Variants in PLCL2 observed in about 807,000 individuals in gnomAD.
PLCL2 encodes phospholipase C like 2, also known as inactive phospholipase C-like protein 2.
In PLCL2, 4 loss-of-function variants were observed where a neutral mutation model predicts 79.6. That is an observed-to-expected ratio of 0.05 (90% CI 0.02 to 0.11). The LOEUF (loss-of-function observed/expected upper bound fraction) is 0.11. PLCL2 is among the 10% of genes least tolerant of loss of function. The pLI is 1.00. For missense variants in PLCL2, 895 were observed against 1,291.0 expected, an observed-to-expected ratio of 0.69 and a Z score of 4.70; for synonymous variants, 484 against 457.7, an observed-to-expected ratio of 1.06 and a Z score of -0.73.
chr3:16,937,976 C>T (rs1697581765), intron 1 of PLCL2, among the ~76,000 whole-genome samples: 1 of 152,110 alleles, frequency 6.6e-6, no homozygotes, highest in South Asian at 2.1e-4. Flanking sequence ...TGAAAGGTGG[C>T]AATTCACGTG....
intron 1 of PLCL2, among the ~76,000 whole-genome samples, chr3:16,948,105 AAGC>A (rs2063617931): frequency 6.6e-6 from 1 of 152,216 alleles, no homozygotes; most frequent in East Asian, 1.9e-4. Context: ...TCAAAAGTAA[AAGC>A]AGCCCAAATA....
chr3:17,088,970 A>G (rs1050965405), intron 5 of PLCL2, among the ~76,000 whole-genome samples: 3 of 152,262 alleles, frequency 2.0e-5, no homozygotes, highest in African/African-American at 4.8e-5. Context: ...TATCCAAAGT[A>G]GAAAATCCTT....
At chr3:17,058,574 T>TA (rs1312242620) in intron 4 of PLCL2, among the ~76,000 whole-genome samples, 2 of 152,140 alleles carry the variant, frequency 1.3e-5, no homozygotes, top group Non-Finnish European at 2.9e-5. Context: ...TTAAGTTTGA[T>TA]ACGCCTAGTT....
intron 1 of PLCL2, among the ~76,000 whole-genome samples, chr3:16,999,185 G>A (rs889193287): frequency 1.6e-4 from 25 of 152,238 alleles, no homozygotes; most frequent in African/African-American, 6.0e-4. Context: ...CTATGGGTGT[G>A]GGGATGCAGC....
At chr3:17,040,688 G>A (rs1412438861) in intron 3 of PLCL2, among the ~76,000 whole-genome samples, 1 of 152,124 alleles carries the variant, frequency 6.6e-6, no homozygotes, top group Admixed American at 6.6e-5. Flanking sequence ...TTTATGGGTA[G>A]GAAATTAGGG....
At chr3:17,070,773 A>C (rs866107556) in intron 5 of PLCL2, among the ~76,000 whole-genome samples, 8 of 152,158 alleles carry the variant, frequency 5.3e-5, no homozygotes, top group Non-Finnish European at 8.8e-5. Context: ...GAGCTAGGAG[A>C]GGTGGCAGCG....
At chr3:16,975,442 G>A (rs1369601365) in intron 1 of PLCL2, among the ~76,000 whole-genome samples, 8 of 152,092 alleles carry the variant, frequency 5.3e-5, no homozygotes, top group Admixed American at 2.0e-4. Context: ...CTTATTAGGC[G>A]CCTTTATTAT....
intron 1 of PLCL2, among the ~76,000 whole-genome samples, chr3:16,955,421 GTTACTGT>G (rs999969307): frequency 6.4e-4 from 98 of 152,260 alleles, no homozygotes; most frequent in African/African-American, 2.2e-3. Flanking sequence ...TGCTGTTTTG[GTTACTGT>G]AGCCTTATAG....
chr3:17,050,418 G>A (rs987922206), intron 4 of PLCL2, among the ~76,000 whole-genome samples: 4 of 151,954 alleles, frequency 2.6e-5, no homozygotes, highest in Non-Finnish European at 4.4e-5. Context: ...AATAACCCGA[G>A]TATATAAGGA....
chr3:16,996,798 G>T lies in PLCL2; in HGVS notation c.328-12876G>T, dbSNP rs374514443. Among the ~76,000 whole-genome samples, 7 of 152,262 alleles carry T rather than the reference G, an allele frequency of 4.6e-5. 1 individual carries two copies. The stretch of plus-strand genomic sequence containing the variant: ...GAAATACTCATTTGAACATTGACTG[G>T]TATTGCTATAGAATTGTAATTATTT... On this transcript the variant is annotated intron_variant, in intron 1 of 5. Coordinates refer to ENST00000615277, the MANE Select transcript of PLCL2 (RefSeq NM_001144382.2).
chr3:16,906,858 A>G (rs564172532), intron 1 of PLCL2, among the ~76,000 whole-genome samples: 107 of 152,308 alleles, frequency 7.0e-4, no homozygotes, highest in Non-Finnish European at 1.4e-3. Context: ...CTAAAAATAG[A>G]AACTGTTTGT....
intron 2 of PLCL2, among the ~76,000 whole-genome samples, chr3:17,013,019 C>A (rs1404051315): frequency 1.3e-5 from 2 of 152,328 alleles, no homozygotes; most frequent in East Asian, 3.9e-4. Flanking sequence ...TTTTCCCTAT[C>A]AACTAATTCT....
chr3:16,907,585 C>CT (rs1451037387), intron 1 of PLCL2, among the ~76,000 whole-genome samples: 2 of 152,188 alleles, frequency 1.3e-5, no homozygotes, highest in Admixed American at 6.5e-5. Flanking sequence ...GGGGCTTAGG[C>CT]TTTGGAGTAA....
At chr3:16,895,453 C>A (rs1575515013) in intron 1 of PLCL2, among the ~76,000 whole-genome samples, 2 of 152,144 alleles carry the variant, frequency 1.3e-5, no homozygotes, top group East Asian at 3.9e-4. Flanking sequence ...AATTCAGCAC[C>A]ATTTATTTGA....
At chr3:16,896,921 G>T in intron 1 of PLCL2, among the ~76,000 whole-genome samples, 1 of 152,178 alleles carries the variant, frequency 6.6e-6, no homozygotes, top group Middle Eastern at 3.2e-3. Context: ...ACCTCTGGGG[G>T]TTTCCTAAAG....
intron 1 of PLCL2, among the ~76,000 whole-genome samples, chr3:16,971,549 T>G (rs552859902): frequency 6.6e-6 from 1 of 152,170 alleles, no homozygotes; most frequent in Non-Finnish European, 1.5e-5. Flanking sequence ...TTTGGTTCCA[T>G]ATGAACTTTA....
In PLCL2 at chr3:16,956,863, A is replaced by G. The variant is rs2063710572; in HGVS notation, c.328-52811A>G. Among the ~76,000 whole-genome samples the G allele has an allele frequency of 2.0e-5, 3 of 152,162 alleles. No individual in the cohort carries two copies. The South Asian group carries it at 6.2e-4, about 32-fold the overall frequency. ...TGATGGTAGTCTGTATTTCTGTGGGATCAGTGGTGATATCCCCTTTATCAT... is the reference window on the plus strand; with the variant it reads ...TGATGGTAGTCTGTATTTCTGTGGGGTCAGTGGTGATATCCCCTTTATCAT... On this transcript the variant is annotated intron_variant, in intron 1 of 5. Coordinates refer to ENST00000615277, the MANE Select transcript of PLCL2 (RefSeq NM_001144382.2).
chr3:17,015,356 G>A (rs2064372514), intron 3 of PLCL2, among the ~76,000 whole-genome samples: 1 of 152,130 alleles, frequency 6.6e-6, no homozygotes, highest in African/African-American at 2.4e-5. Context: ...CTCTGCACTA[G>A]GCTATGGTTT....
chr3:17,036,752 G>C (rs2064660925), intron 3 of PLCL2, among the ~76,000 whole-genome samples: 1 of 152,170 alleles, frequency 6.6e-6, no homozygotes, highest in Admixed American at 6.5e-5. Flanking sequence ...TGTTGAAACA[G>C]AATATCACAG....
Sources: gnomAD v4.1 joint callset for allele counts (sites outside exome capture counted in the v4.1 genomes callset) on GRCh38, gnomAD v4.1.1 for gene constraint, MANE v1.5 for transcripts, NCBI Gene and HGNC (gene_info 2026-07-23, HGNC 2026-07-21) for gene names.